RIT2: variants seen among roughly 807,000 people sequenced by gnomAD.
RIT2 encodes Ras like without CAAX 2.
RIT2 carries 24 observed loss-of-function variants against 23.7 expected under a neutral mutation model. The ratio of observed to expected loss-of-function variants is 1.01; its 90% confidence interval spans 0.73 to 1.43. The LOEUF (loss-of-function observed/expected upper bound fraction) is 1.43, where lower values mean the gene tolerates loss of function less well. Ranked by LOEUF, RIT2 falls within the 40% of genes most tolerant of loss-of-function variation. The probability of loss-of-function intolerance (pLI) is 0.00; values close to 1 mark genes in which losing one functional copy is unlikely to be tolerated. For synonymous variants in RIT2, 107 were observed against 91.1 expected (o/e 1.17, Z -0.99); for missense variants, 236 against 266.9 (o/e 0.88, Z 0.81).
intron 1 of RIT2, among the ~76,000 whole-genome samples, chr18:43,058,133 T>G (rs117069337): frequency 0.035 from 5,275 of 152,284 alleles, 119 homozygotes; most frequent in Non-Finnish European, 0.05. Context: ...CCATGGTACA[T>G]GGCTTAGAAG....
In RIT2 at chr18:42,785,448, CTT is replaced by C. The variant is rs11292332; in HGVS notation, c.427-41730_427-41729del. ...ATCCATGTTAAGTTTCTTGGCCTCT[CTT>C]TTTTTTTTTTAATTTAAATTATATT... is the stretch of plus-strand genomic sequence containing the variant. On this transcript the variant is annotated intron_variant, in intron 4 of 4. Coordinates refer to ENST00000326695, the MANE Select transcript of RIT2 (RefSeq NM_002930.4). Among the ~76,000 whole-genome samples, 232 of 146,178 alleles carry C rather than the reference CTT, an allele frequency of 1.6e-3. 1 individual carries two copies. The highest frequency in any genetic ancestry group is 3.5e-3 in the Middle Eastern group (1 of 282).
chr18:43,053,547 T>A (rs1038397810), intron 1 of RIT2, among the ~76,000 whole-genome samples: 5 of 152,024 alleles, frequency 3.3e-5, no homozygotes, highest in Admixed American at 2.0e-4. Flanking sequence ...ACTAGATAAA[T>A]ATTTTTTGTT....
intron 2 of RIT2, among the ~76,000 whole-genome samples, chr18:42,995,349 G>A (rs749714010): frequency 5.9e-5 from 9 of 151,900 alleles, no homozygotes; most frequent in Middle Eastern, 6.8e-3. Flanking sequence ...TACTCAACAT[G>A]CCCTGAGTCA....
chr18:42,758,504 C>A (rs9961268), intron 4 of RIT2, among the ~76,000 whole-genome samples: 37,484 of 143,892 alleles, frequency 0.26, 5,319 homozygotes, highest in East Asian at 0.46. Flanking sequence ...TTTTTGATAA[C>A]CCTTGTTTTA....
intron 2 of RIT2, among the ~76,000 whole-genome samples, chr18:42,974,893 AT>A (rs1910444418): frequency 6.6e-6 from 1 of 152,142 alleles, no homozygotes; most frequent in South Asian, 2.1e-4. Context: ...GCTGAGAGAA[AT>A]TAAAGAAGGC....
chr18:43,102,313 T>C (rs1913702318), intron 1 of RIT2, among the ~76,000 whole-genome samples: 2 of 152,206 alleles, frequency 1.3e-5, no homozygotes, highest in Non-Finnish European at 2.9e-5. Context: ...TGTTCTTTGT[T>C]ATGTTAGTAA....
At chr18:42,775,341 G>C (rs1215177086) in intron 4 of RIT2, among the ~76,000 whole-genome samples, 2 of 151,944 alleles carry the variant, frequency 1.3e-5, no homozygotes, top group African/African-American at 4.8e-5. Context: ...AACCATGAAG[G>C]GTAAATCAAC....
intron 4 of RIT2, among the ~76,000 whole-genome samples, chr18:42,760,253 G>A (rs1216078828): frequency 1.3e-5 from 2 of 152,126 alleles, no homozygotes; most frequent in Non-Finnish European, 2.9e-5. Context: ...TTCATTTGTT[G>A]CTTCCCAAGC....
intron 1 of RIT2, among the ~76,000 whole-genome samples, chr18:43,054,135 T>A (rs1332929404): frequency 6.6e-6 from 1 of 152,066 alleles, no homozygotes; most frequent in East Asian, 1.9e-4. Flanking sequence ...ATCTCCAAAT[T>A]TGAGCCAGCT....
At chr18:42,835,111 A>G (rs951748505) in intron 4 of RIT2, among the ~76,000 whole-genome samples, 9 of 152,260 alleles carry the variant, frequency 5.9e-5, no homozygotes, top group Non-Finnish European at 1.2e-4. Flanking sequence ...TTCTAACTAG[A>G]GTAAGATTTC....
chr18:42,772,101 G>A (rs1324015132), intron 4 of RIT2, among the ~76,000 whole-genome samples: 1 of 151,986 alleles, frequency 6.6e-6, no homozygotes, highest in Non-Finnish European at 1.5e-5. Flanking sequence ...GACAGAAGTT[G>A]GGATCTCCAG....
chr18:42,972,919 T>C (rs1352658878), intron 3 of RIT2, among the ~76,000 whole-genome samples: 1 of 151,886 alleles, frequency 6.6e-6, no homozygotes, highest in Non-Finnish European at 1.5e-5. Flanking sequence ...CAGAGGTGCA[T>C]TAAAACTTTC....
chr18:42,918,918 C>T (rs2144127866), intron 4 of RIT2, among the ~76,000 whole-genome samples: 2 of 152,240 alleles, frequency 1.3e-5, no homozygotes, highest in South Asian at 4.1e-4. Flanking sequence ...TCAGTATCTT[C>T]GTTCTTCAAA....
At chr18:43,094,095 T>C (rs1913489050) in intron 1 of RIT2, among the ~76,000 whole-genome samples, 2 of 147,126 alleles carry the variant, frequency 1.4e-5, no homozygotes, top group African/African-American at 5.0e-5. Context: ...GAAGAACATT[T>C]CAAAATTGGT....
intron 4 of RIT2, among the ~76,000 whole-genome samples, chr18:42,861,387 G>T (rs148639767): frequency 6.6e-6 from 1 of 152,306 alleles, no homozygotes; most frequent in African/African-American, 2.4e-5. Context: ...TTGAGCAGCA[G>T]CAGCAATCTG....
At chr18:42,992,128 T>C (rs571385623) in intron 2 of RIT2, among the ~76,000 whole-genome samples, 54 of 123,830 alleles carry the variant, frequency 4.4e-4, no homozygotes, top group Admixed American at 2.0e-3. Context: ...TCCTTCACTA[T>C]GGGCAAACTT....
At chr18:42,925,333 G>A (rs1489011056) in intron 3 of RIT2, among the ~76,000 whole-genome samples, 1 of 151,824 alleles carries the variant, frequency 6.6e-6, no homozygotes, top group Non-Finnish European at 1.5e-5. Flanking sequence ...ATAATTGACA[G>A]GACTTGACTA....
intron 3 of RIT2, among the ~76,000 whole-genome samples, chr18:42,933,307 A>G (rs774887275): frequency 9.2e-5 from 14 of 152,200 alleles, no homozygotes; most frequent in African/African-American, 2.4e-4. Flanking sequence ...TAAAATTTAT[A>G]TTGTTAAAGG....
At chr18:42,808,137 T>C (rs1046852065) in intron 4 of RIT2, among the ~76,000 whole-genome samples, 1 of 152,198 alleles carries the variant, frequency 6.6e-6, no homozygotes, top group Non-Finnish European at 1.5e-5. Flanking sequence ...TTTTGCTCAA[T>C]GGAGCAAAAG....
Sources: allele counts gnomAD v4.1 joint callset (sites outside exome capture counted in the v4.1 genomes callset), GRCh38; gene constraint gnomAD v4.1.1; transcripts MANE v1.5; gene names NCBI Gene and HGNC (gene_info 2026-07-23, HGNC 2026-07-21).